The following DPP10 variants were observed in gnomAD, a reference collection of about 807,000 sequenced individuals.
The protein encoded by DPP10 is dipeptidyl peptidase like 10.
A neutral mutation model predicts 120.9 loss-of-function variants in DPP10; 33 were observed. That is an observed-to-expected ratio of 0.27 (90% CI 0.21 to 0.37). DPP10 has a LOEUF of 0.37. DPP10 is among the 10% of genes least tolerant of loss of function. DPP10 has a pLI of 1.00. For missense variants in DPP10, 816 were observed against 942.8 expected, an observed-to-expected ratio of 0.87 and a Z score of 1.76; for synonymous variants, 337 against 326.1, an observed-to-expected ratio of 1.03 and a Z score of -0.36.
intron 5 of DPP10, among the ~76,000 whole-genome samples, chr2:115,623,100 C>T (rs1163510549): frequency 6.6e-6 from 1 of 152,182 alleles, no homozygotes; most frequent in Admixed American, 6.5e-5. Context: ...CCGCCTCGGC[C>T]TCCCAAAGTG....
intron 1 of DPP10, among the ~76,000 whole-genome samples, chr2:115,084,298 T>C (rs922093819): frequency 1.3e-5 from 2 of 152,190 alleles, no homozygotes; most frequent in Non-Finnish European, 2.9e-5. Context: ...CACATAATAA[T>C]GCGCTGACCT....
intron 3 of DPP10, among the ~76,000 whole-genome samples, chr2:115,382,487 C>T (rs993181786): frequency 6.6e-5 from 10 of 152,200 alleles, no homozygotes; most frequent in African/African-American, 2.2e-4. Flanking sequence ...GAACCTGGTA[C>T]CTCAGATGGA....
At chr2:114,846,337 C>CA (rs972200894) in intron 1 of DPP10, among the ~76,000 whole-genome samples, 1 of 151,974 alleles carries the variant, frequency 6.6e-6, no homozygotes, top group African/African-American at 2.4e-5. Flanking sequence ...ATCAATTACT[C>CA]AAAAAATATT....
At chr2:115,276,760 A>G (rs575856082) in intron 1 of DPP10, among the ~76,000 whole-genome samples, 1 of 152,254 alleles carries the variant, frequency 6.6e-6, no homozygotes, top group African/African-American at 2.4e-5. Context: ...TTTTTTAGAG[A>G]CACATTTATC....
chr2:115,058,852 TG>T (rs1706164565), intron 1 of DPP10, among the ~76,000 whole-genome samples: 1 of 152,244 alleles, frequency 6.6e-6, no homozygotes, highest in South Asian at 2.1e-4. Flanking sequence ...CTTTGTTTTT[TG>T]TTTTTCTTGT....
chr2:115,016,183 G>A (rs1378888591), intron 1 of DPP10, among the ~76,000 whole-genome samples: 4 of 151,934 alleles, frequency 2.6e-5, no homozygotes, highest in African/African-American at 9.7e-5. Flanking sequence ...CAGAACAGAG[G>A]CCTCAGAAAT....
chr2:114,666,459 T>C (rs1189765661), intron 1 of DPP10, among the ~76,000 whole-genome samples: 1 of 152,196 alleles, frequency 6.6e-6, no homozygotes, highest in African/African-American at 2.4e-5. Flanking sequence ...TATGAAAACA[T>C]GAAGACCTAG....
intron 2 of DPP10, among the ~76,000 whole-genome samples, chr2:115,310,767 C>G (rs968017950): frequency 2.0e-5 from 3 of 152,148 alleles, no homozygotes; most frequent in Non-Finnish European, 4.4e-5. Flanking sequence ...CACTTAAACA[C>G]AAGAAGTTTA....
chr2:115,076,140 A>T (rs2104466704), intron 1 of DPP10, among the ~76,000 whole-genome samples: 1 of 152,236 alleles, frequency 6.6e-6, no homozygotes, highest in South Asian at 2.1e-4. Flanking sequence ...TTGAAGTTTT[A>T]AAGTTTATGG....
chr2:115,581,522 C>G (rs549812042), intron 5 of DPP10, among the ~76,000 whole-genome samples: 1 of 152,022 alleles, frequency 6.6e-6, no homozygotes, highest in African/African-American at 2.4e-5. Flanking sequence ...CTTGCTCAGC[C>G]GCTCATGCTA....
rs576563271 is a variant in DPP10 at position 114,690,301 on chromosome 2, C to T, written c.60+247463C>T. Among the ~76,000 whole-genome samples the T allele has an allele frequency of 7.2e-5, 11 of 151,952 alleles. No individual in the cohort carries two copies. In the East Asian group the frequency reaches 1.9e-3, roughly 27 times the overall value. On this transcript the variant is annotated intron_variant, in intron 1 of 25. Coordinates refer to ENST00000410059, the MANE Select transcript of DPP10 (RefSeq NM_020868.6). ...GGTTTAGTTTCAGTTTTCTGCATAT[C>T]GCTAGCCAGCACTCCCAGCACCATT... is the stretch of plus-strand genomic sequence containing the variant.
intron 5 of DPP10, among the ~76,000 whole-genome samples, chr2:115,583,449 C>T (rs7563996): frequency 0.42 from 63,933 of 152,014 alleles, 16,407 homozygotes; most frequent in Non-Finnish European, 0.58. Context: ...CCTCTTGGTG[C>T]CTTGGAAAGG....
chr2:115,629,200 T>G (rs1021370820), intron 5 of DPP10, among the ~76,000 whole-genome samples: 2 of 152,232 alleles, frequency 1.3e-5, no homozygotes, highest in Non-Finnish European at 2.9e-5. Context: ...CACATTTTCT[T>G]AATCCAGTCT....
chr2:115,326,994 C>T (rs1574433153), intron 2 of DPP10, among the ~76,000 whole-genome samples: 1 of 152,056 alleles, frequency 6.6e-6, no homozygotes, highest in Non-Finnish European at 1.5e-5. Flanking sequence ...ACTCACCACT[C>T]ACTTACTGAC....
intron 1 of DPP10, among the ~76,000 whole-genome samples, chr2:114,898,516 A>C (rs888970258): frequency 6.6e-6 from 1 of 152,150 alleles, no homozygotes; most frequent in South Asian, 2.1e-4. Context: ...AAATAAAAAA[A>C]AAAATAAAGG....
intron 1 of DPP10, among the ~76,000 whole-genome samples, chr2:114,923,185 T>C (rs1695329928): frequency 6.6e-6 from 1 of 151,588 alleles, no homozygotes; most frequent in Admixed American, 6.6e-5. Flanking sequence ...TTTTTTTTCT[T>C]TTTTCTTTTT....
chr2:115,509,580 T>C (rs960196665), intron 4 of DPP10, among the ~76,000 whole-genome samples: 1 of 152,110 alleles, frequency 6.6e-6, no homozygotes, highest in African/African-American at 2.4e-5. Context: ...AAGTTAAAAA[T>C]AGTCTCCACT....
In DPP10 at chr2:114,590,180, A is replaced by G. The variant is rs111787347; in HGVS notation, c.60+147342A>G. Among the ~76,000 whole-genome samples the G allele has an allele frequency of 6.3e-3, 959 of 152,248 alleles. 11 individuals are homozygous for G. Among genetic ancestry groups the G allele is most frequent in the African/African-American group, 0.022 (918 of 41,560 alleles). Reference sequence around the variant, plus strand: ...ATAAAAATAGAATCCTCCTTATTGTAAGTTTTATATAATGAATTGCTCCTC... The same window carrying G: ...ATAAAAATAGAATCCTCCTTATTGTGAGTTTTATATAATGAATTGCTCCTC... On this transcript the variant is annotated intron_variant, in intron 1 of 25. Transcript: ENST00000410059.
chr2:114,753,321 G>C (rs1025480643), intron 1 of DPP10, among the ~76,000 whole-genome samples: 3 of 152,114 alleles, frequency 2.0e-5, no homozygotes, highest in Admixed American at 1.3e-4. Context: ...TTGCCCCAAT[G>C]AGTTTAATCA....
Sources: gnomAD v4.1 joint callset for allele counts (sites outside exome capture counted in the v4.1 genomes callset) on GRCh38, gnomAD v4.1.1 for gene constraint, MANE v1.5 for transcripts, NCBI Gene and HGNC (gene_info 2026-07-23, HGNC 2026-07-21) for gene names.